The following PLCXD3 variants were observed in gnomAD, a reference collection of about 807,000 sequenced individuals.
PLCXD3 encodes PI-PLC X domain-containing protein 3.
Under a neutral mutation model 25.5 loss-of-function variants are expected in PLCXD3, and 19 were observed. The ratio of observed to expected loss-of-function variants is 0.75; its 90% confidence interval spans 0.52 to 1.09. The LOEUF is 1.09. Among genes scored for constraint, PLCXD3 ranks in the 50% least tolerant of loss-of-function variants. PLCXD3 has a pLI of 0.00. For synonymous variants in PLCXD3, 174 were observed against 137.6 expected, an observed-to-expected ratio of 1.26 and a Z score of -1.85; for missense variants, 411 against 388.1, an observed-to-expected ratio of 1.06 and a Z score of -0.50.
At position 41,313,291 on chromosome 5, in the gene PLCXD3, G is replaced by A; in HGVS notation, c.*326C>T. On this transcript the variant is annotated 3_prime_UTR_variant, in exon 3 of 3. Transcript: ENST00000377801. ...GGTATAGACAGCGTAGGAGTCATAG[G>A]CTGGAAATAGAGAACCTAATCAAGT... is the stretch of plus-strand genomic sequence containing the variant. 3.9e-6 allele frequency: 1 copy of A among 259,244 alleles called. No individual in the cohort carries two copies. The highest frequency in any genetic ancestry group is 7.5e-6 in the Non-Finnish European group (1 of 133,784). 16.1% of individuals were successfully genotyped at this position (259,244 alleles called of 1,614,324 possible).
intron 2 of PLCXD3, among the ~76,000 whole-genome samples, chr5:41,315,894 G>A (rs1235608739): frequency 6.6e-6 from 1 of 152,238 alleles, no homozygotes; most frequent in African/African-American, 2.4e-5. Context: ...GATCCCAGCA[G>A]TCAGAACTTG....
At chr5:41,340,829 T>C (rs1453690057) in intron 2 of PLCXD3, among the ~76,000 whole-genome samples, 1 of 152,190 alleles carries the variant, frequency 6.6e-6, no homozygotes, top group African/African-American at 2.4e-5. Flanking sequence ...CTGGAAGTCA[T>C]TAAGTGGAAG....
At position 41,394,743 on chromosome 5, in the gene PLCXD3, G is replaced by A. The variant is rs1030422576; in HGVS notation, c.104-12209C>T. Among the ~76,000 whole-genome samples the A allele has an allele frequency of 5.3e-5, 8 of 152,148 alleles. No homozygotes were observed. In the South Asian group the frequency reaches 1.7e-3, roughly 32 times the overall value. On this transcript the variant is annotated intron_variant, in intron 1 of 2. Transcript: ENST00000377801. ...AGAAGGTCACTATATAATGATAAAA[G>A]TATTAATTTCACAAGAGTATATAAA... is the stretch of plus-strand genomic sequence containing the variant.
chr5:41,389,377 G>C (rs1397031698), intron 1 of PLCXD3, among the ~76,000 whole-genome samples: 3 of 152,114 alleles, frequency 2.0e-5, no homozygotes, highest in African/African-American at 7.2e-5. Context: ...TAATTAAGCA[G>C]AATACCTCCT....
intron 1 of PLCXD3, among the ~76,000 whole-genome samples, chr5:41,411,675 T>C (rs1746523614): frequency 6.6e-6 from 1 of 151,876 alleles, no homozygotes; most frequent in South Asian, 2.1e-4. Context: ...CTTATAAATC[T>C]TACATGGCAT....
intron 1 of PLCXD3, among the ~76,000 whole-genome samples, chr5:41,507,867 C>G (rs986051824): frequency 6.6e-6 from 1 of 152,166 alleles, no homozygotes; most frequent in African/African-American, 2.4e-5. Flanking sequence ...GATTTTAAGG[C>G]AATTATTCCA....
chr5:41,403,401 G>GTTTTTGTTTTTGT (rs1554047952), intron 1 of PLCXD3, among the ~76,000 whole-genome samples: 5 of 18,392 alleles, frequency 2.7e-4, no homozygotes, highest in African/African-American at 9.2e-4. Context: ...CTTATTTGTT[G>GTTTTTGTTTTTGT]TTTTTTTTTT....
Position 41,371,045 on chromosome 5 carries a change from T to C in PLCXD3, c.812+10781A>G, listed in dbSNP as rs1407192284. On this transcript the variant is annotated intron_variant, in intron 2 of 2. Coordinates refer to ENST00000377801, the MANE Select transcript of PLCXD3 (RefSeq NM_001005473.3). ...AAGAAAGTCAAGTTGACTGAAAATATAGCCTAATTTGAAGAGTTTGCATTT... is the reference window on the plus strand; with the variant it reads ...AAGAAAGTCAAGTTGACTGAAAATACAGCCTAATTTGAAGAGTTTGCATTT... Among the ~76,000 whole-genome samples, 3 of 152,168 alleles carry C rather than the reference T, an allele frequency of 2.0e-5. No individual in the cohort carries two copies. In the South Asian group the frequency reaches 6.2e-4, roughly 32 times the overall value.
intron 1 of PLCXD3, among the ~76,000 whole-genome samples, chr5:41,455,056 G>A (rs1405880375): frequency 6.6e-6 from 1 of 151,772 alleles, no homozygotes; most frequent in Non-Finnish European, 1.5e-5. Flanking sequence ...CACCAGAACA[G>A]CATGGGGGAA....
At chr5:41,410,659 C>T (rs1746492531) in intron 1 of PLCXD3, among the ~76,000 whole-genome samples, 1 of 152,140 alleles carries the variant, frequency 6.6e-6, no homozygotes, top group Non-Finnish European at 1.5e-5. Flanking sequence ...GGGCACCTCA[C>T]TTTATGGCCA....
At chr5:41,413,538 T>C (rs1388290656) in intron 1 of PLCXD3, among the ~76,000 whole-genome samples, 1 of 152,238 alleles carries the variant, frequency 6.6e-6, no homozygotes, top group Non-Finnish European at 1.5e-5. Flanking sequence ...TTTAGGAACT[T>C]TAAATGAAAA....
At chr5:41,379,291 C>T (rs1369597481) in intron 2 of PLCXD3, among the ~76,000 whole-genome samples, 1 of 152,010 alleles carries the variant, frequency 6.6e-6, no homozygotes, top group Non-Finnish European at 1.5e-5. Flanking sequence ...TACACAACTC[C>T]CTCACTTTCT....
At chr5:41,429,100 C>G (rs547322235) in intron 1 of PLCXD3, among the ~76,000 whole-genome samples, 2 of 152,240 alleles carry the variant, frequency 1.3e-5, no homozygotes, top group South Asian at 4.1e-4. Flanking sequence ...GAGTACTAAA[C>G]TCTCAAAGGA....
chr5:41,342,329 A>G (rs771147431), intron 2 of PLCXD3, among the ~76,000 whole-genome samples: 2 of 152,190 alleles, frequency 1.3e-5, no homozygotes, highest in East Asian at 3.9e-4. Context: ...CTAGAAAAGT[A>G]TGTGAAAGGA....
intron 1 of PLCXD3, among the ~76,000 whole-genome samples, chr5:41,455,788 C>T (rs943556760): frequency 6.6e-6 from 1 of 151,878 alleles, no homozygotes; most frequent in Non-Finnish European, 1.5e-5. Flanking sequence ...TCTGAAAAGG[C>T]TTTAGGATCA....
chr5:41,443,209 A>G (rs1747421154), intron 1 of PLCXD3, among the ~76,000 whole-genome samples: 1 of 151,800 alleles, frequency 6.6e-6, no homozygotes, highest in Admixed American at 6.6e-5. Flanking sequence ...TGAGATTATA[A>G]TACCATATTT....
intron 1 of PLCXD3, among the ~76,000 whole-genome samples, chr5:41,399,086 T>C (rs1746099918): frequency 6.6e-6 from 1 of 152,018 alleles, no homozygotes; most frequent in South Asian, 2.1e-4. Flanking sequence ...AATAAAGTAA[T>C]CCCATTTACA....
chr5:41,380,415 G>A (rs1348754830), intron 2 of PLCXD3, among the ~76,000 whole-genome samples: 2 of 151,858 alleles, frequency 1.3e-5, no homozygotes, highest in East Asian at 1.9e-4. Context: ...TTAACTGCTC[G>A]CTCTCTCCAT....
chr5:41,492,410 G>T (rs1176440026), intron 1 of PLCXD3, among the ~76,000 whole-genome samples: 9 of 151,538 alleles, frequency 5.9e-5, no homozygotes, highest in Admixed American at 1.3e-4. Context: ...ACAATTATGT[G>T]TCTTGGAGTT....
Sources: gnomAD v4.1 joint callset for allele counts (sites outside exome capture counted in the v4.1 genomes callset) on GRCh38, gnomAD v4.1.1 for gene constraint, MANE v1.5 for transcripts, NCBI Gene and HGNC (gene_info 2026-07-23, HGNC 2026-07-21) for gene names.